Variants in EEA1 observed in about 807,000 individuals in gnomAD.
The protein encoded by EEA1 is early endosome antigen 1, 162kD.
A neutral mutation model predicts 209.2 loss-of-function variants in EEA1; 111 were observed. The ratio of observed to expected loss-of-function variants is 0.53; its 90% confidence interval spans 0.45 to 0.62. The LOEUF is 0.62. Among genes scored for constraint, EEA1 ranks in the 20% least tolerant of loss-of-function variants. EEA1 has a pLI of 0.00. For missense variants in EEA1, 1,343 were observed against 1,530.8 expected (o/e 0.88, Z 2.05); for synonymous variants, 536 against 540.6 (o/e 0.99, Z 0.12).
At chr12:92,874,120 C>G (rs1246899478) in intron 2 of EEA1, among the ~76,000 whole-genome samples, 3 of 151,702 alleles carry the variant, frequency 2.0e-5, no homozygotes, top group East Asian at 3.9e-4. Context: ...TGAGACCTGC[C>G]TTGGCAACAT....
chr12:92,842,846 T>C (rs2136702021), intron 9 of EEA1, among the ~76,000 whole-genome samples: 1 of 152,336 alleles, frequency 6.6e-6, no homozygotes, highest in South Asian at 2.1e-4. Context: ...TTCTGAAGTA[T>C]CAAATTGCAA....
chr12:92,929,132 C>A lies in EEA1; in HGVS notation c.-66G>T. The A allele has an allele frequency of 7.1e-7, 1 of 1,401,320 alleles. No homozygotes were observed. Among genetic ancestry groups the A allele is most frequent in the Non-Finnish European group, 9.7e-7 (1 of 1,031,170 alleles). The allele number at this position is 1,401,320 out of a possible 1,614,324, so 86.8% of individuals were successfully genotyped here. A position where few individuals can be genotyped will look rare whatever the true frequency, so the allele number is the denominator to read the frequency against. On this transcript the variant is annotated 5_prime_UTR_variant, in exon 1 of 29. Transcript: ENST00000322349. ...ACCCTGCGCGGGGCCACTCACTACT[C>A]GGGGTGCGCGGGCGGGAGGGACTGG...
At chr12:92,855,621 A>T (rs1359922760) in intron 5 of EEA1, among the ~76,000 whole-genome samples, 2 of 152,180 alleles carry the variant, frequency 1.3e-5, no homozygotes, top group African/African-American at 4.8e-5. Context: ...TATATTTTAA[A>T]GAATTATACC....
chr12:92,783,307 G>A (rs979920372), intron 22 of EEA1, among the ~76,000 whole-genome samples: 2 of 152,152 alleles, frequency 1.3e-5, no homozygotes, highest in Non-Finnish European at 2.9e-5. Flanking sequence ...TCTGCTTCTT[G>A]GTGTGTGTGG....
intron 1 of EEA1, among the ~76,000 whole-genome samples, chr12:92,917,595 C>G (rs1296401488): frequency 6.6e-6 from 1 of 151,758 alleles, no homozygotes; most frequent in Admixed American, 6.6e-5. Context: ...CTGAAGGAAG[C>G]GCTAAACATG....
chr12:92,901,328 A>G (rs947598844), intron 1 of EEA1, among the ~76,000 whole-genome samples: 1 of 152,178 alleles, frequency 6.6e-6, no homozygotes, highest in Non-Finnish European at 1.5e-5. Flanking sequence ...CTGGGATTAC[A>G]GGTGTGAGCC....
chr12:92,797,653 G>C (rs958445674), intron 21 of EEA1, among the ~76,000 whole-genome samples: 3 of 152,074 alleles, frequency 2.0e-5, no homozygotes, highest in Admixed American at 6.5e-5. Context: ...TGGATACAAG[G>C]CTAGTATATT....
intron 20 of EEA1, among the ~76,000 whole-genome samples, chr12:92,800,514 T>C (rs1365022136): frequency 6.6e-6 from 1 of 152,214 alleles, no homozygotes. Context: ...GTGTTATATA[T>C]AGACGTCTCA....
chr12:92,912,534 C>G (rs1377565331), intron 1 of EEA1, among the ~76,000 whole-genome samples: 1 of 152,162 alleles, frequency 6.6e-6, no homozygotes, highest in Non-Finnish European at 1.5e-5. Flanking sequence ...ACTGAAGGTA[C>G]CTTAGATCAT....
At chr12:92,808,524 C>A (rs1440313470) in intron 18 of EEA1, among the ~76,000 whole-genome samples, 1 of 151,084 alleles carries the variant, frequency 6.6e-6, no homozygotes, top group African/African-American at 2.4e-5. Context: ...ACTTTGTCGC[C>A]CAGGCTGGAG....
At chr12:92,790,439 T>C (rs1357592175) in intron 21 of EEA1, among the ~76,000 whole-genome samples, 1 of 151,988 alleles carries the variant, frequency 6.6e-6, no homozygotes, top group East Asian at 1.9e-4. Flanking sequence ...GAATAAACAG[T>C]GTAGAGATGG....
chr12:92,926,687 T>C (rs1001772987), intron 1 of EEA1, among the ~76,000 whole-genome samples: 3 of 152,136 alleles, frequency 2.0e-5, no homozygotes, highest in African/African-American at 7.2e-5. Context: ...CTACAGACCA[T>C]CTCACTTCCT....
intron 1 of EEA1, among the ~76,000 whole-genome samples, chr12:92,925,770 G>A (rs2136793221): frequency 6.6e-6 from 1 of 152,272 alleles, no homozygotes; most frequent in South Asian, 2.1e-4. Context: ...GAAAAAGGAG[G>A]AGCAGGAGGA....
At chr12:92,915,635 T>C (rs1880738229) in intron 1 of EEA1, among the ~76,000 whole-genome samples, 1 of 152,156 alleles carries the variant, frequency 6.6e-6, no homozygotes, top group Non-Finnish European at 1.5e-5. Context: ...AACACTTAGG[T>C]TTCTGGGATC....
At position 92,798,866 on chromosome 12, in the gene EEA1, T is replaced by C. The variant is rs996368141; in HGVS notation, c.2967+26A>G. 2.7e-6 allele frequency: 4 copies of C among 1,496,618 alleles called. No homozygotes were observed. The African/African-American group carries it at 5.7e-5, about 21-fold the overall frequency. 92.7% of individuals were successfully genotyped at this position (1,496,618 alleles called of 1,614,324 possible). A position where few individuals can be genotyped will look rare whatever the true frequency, so the allele number is the denominator to read the frequency against. ...CTTAATTGCCAAGTTTTTCTTCCTA[T>C]AAAAAGTAAACAAATATATCACTAC... On this transcript the variant is annotated intron_variant, in intron 21 of 28. Transcript: ENST00000322349.
At position 92,899,939 on chromosome 12, in the gene EEA1, G is replaced by T. The variant is rs762434269; in HGVS notation, c.25-8218C>A. Among the ~76,000 whole-genome samples, 49 of 152,170 alleles carry T rather than the reference G, an allele frequency of 3.2e-4. 1 individual carries two copies. Among genetic ancestry groups the T allele is most frequent in the Non-Finnish European group, 6.3e-4 (43 of 68,038 alleles). On this transcript the variant is annotated intron_variant, in intron 1 of 28. Transcript: ENST00000322349. ...TAATGATTCCAAACTTCTCTTCAGA[G>T]GGTGAACTTCCATTCTCCCTTGGGT...
In EEA1 at chr12:92,795,435, C is replaced by T. The variant is rs114214061; in HGVS notation, c.2967+3457G>A. On this transcript the variant is annotated intron_variant, in intron 21 of 28. Coordinates refer to ENST00000322349, the MANE Select transcript of EEA1 (RefSeq NM_003566.4). ...ATGTCTGTTTTATTCGCAGCTGTGT[C>T]GTCTTCAGCACCTAGAATTGTGCCA... Among the ~76,000 whole-genome samples, 337 of 152,264 alleles carry T rather than the reference C, an allele frequency of 2.2e-3. 1 individual carries two copies. Among genetic ancestry groups the T allele is most frequent in the African/African-American group, 7.8e-3 (326 of 41,550 alleles).
chr12:92,904,865 C>G (rs1186363056), intron 1 of EEA1, among the ~76,000 whole-genome samples: 1 of 152,182 alleles, frequency 6.6e-6, no homozygotes, highest in Non-Finnish European at 1.5e-5. Flanking sequence ...ATTCGACAAC[C>G]AGGAAGATCT....
In EEA1 at chr12:92,811,418, G is replaced by A. The variant is rs1390835087; in HGVS notation, c.2060C>T (p.Thr687Ile). 6.4e-7 allele frequency: 1 copy of A among 1,570,056 alleles called. No individual in the cohort carries two copies. Among genetic ancestry groups the A allele is most frequent in the Non-Finnish European group, 8.6e-7 (1 of 1,161,830 alleles). ...TGCAGTGACCTGATCCAACTGAGTA[G>A]TAATCTTATTTAACTCCTTTAGAAA... is the stretch of plus-strand genomic sequence containing the variant. ...QDKQQELNKI[T>I]TQLDQVTAKL... is the part of the protein sequence containing the mutation. Residue 687 changes from threonine to isoleucine, a missense_variant, in exon 17 of 29, where the codon ACT becomes ATT. Physicochemically the swap from Thr to Ile is moderately conservative, Grantham distance 89 (BLOSUM62 -1). Around this residue, in one of 3 missense-constraint regions of EEA1, gnomAD observed 1,307 missense variants for 1,465.5 expected, o/e 0.89. Coordinates refer to ENST00000322349, the MANE Select transcript of EEA1 (RefSeq NM_003566.4).
Sources: gnomAD v4.1 joint callset for allele counts (sites outside exome capture counted in the v4.1 genomes callset) on GRCh38, gnomAD v4.1.1 for gene constraint, gnomAD v4.1.1 regional missense constraint, MANE v1.5 for transcripts, NCBI Gene and HGNC (gene_info 2026-07-23, HGNC 2026-07-21) for gene names.